The following ACOXL variants were observed in gnomAD, a reference collection of about 807,000 sequenced individuals.
ACOXL encodes acyl-CoA oxidase like, also known as acyl-coenzyme A oxidase-like protein.
Under a neutral mutation model 71.9 loss-of-function variants are expected in ACOXL, and 70 were observed. The observed-to-expected ratio is 0.97, with a 90% CI of 0.80 to 1.19. The LOEUF (loss-of-function observed/expected upper bound fraction) is 1.19, where lower values mean the gene tolerates loss of function less well. ACOXL is among the 50% of genes most tolerant of loss of function. The pLI is 0.00. For synonymous variants in ACOXL, 253 were observed against 281.6 expected (o/e 0.90, Z 1.02); for missense variants, 703 against 736.3 (o/e 0.95, Z 0.52).
intron 12 of ACOXL, among the ~76,000 whole-genome samples, chr2:110,951,101 C>T (rs72944256): frequency 0.034 from 5,233 of 152,220 alleles, 266 homozygotes; most frequent in African/African-American, 0.11. Flanking sequence ...CCAACTCAGC[C>T]ACTTCTGGTT....
chr2:111,100,927 C>T lies in ACOXL; in HGVS notation c.1542+7961C>T, dbSNP rs2069110933. On this transcript the variant is annotated intron_variant, in intron 17 of 17. Transcript: ENST00000439055. Reference sequence around the variant, plus strand: ...TGTATCTGCTCAAGTCTAAAATGACCACTAGGGTTGGGTTTTAGTTTCAGT... The same window carrying T: ...TGTATCTGCTCAAGTCTAAAATGACTACTAGGGTTGGGTTTTAGTTTCAGT... 2.6e-5 allele frequency: 4 copies of T among 152,728 alleles called. No individual in the cohort carries two copies. In the South Asian group the frequency reaches 8.3e-4, roughly 32 times the overall value. The allele number at this position is 152,728 out of a possible 1,614,324, so 9.5% of individuals were successfully genotyped here.
chr2:110,849,749 A>AAAACAAAC (rs71383889), intron 10 of ACOXL, among the ~76,000 whole-genome samples: 2,870 of 151,096 alleles, frequency 0.019, 43 homozygotes, highest in Middle Eastern at 0.066. Context: ...CAGAGTGAGA[A>AAAACAAAC]AAACAAACAA....
intron 14 of ACOXL, among the ~76,000 whole-genome samples, chr2:111,014,095 A>G (rs983027760): frequency 6.6e-6 from 1 of 152,228 alleles, no homozygotes; most frequent in Non-Finnish European, 1.5e-5. Context: ...TGGAGAGTAT[A>G]TCTACAAAAG....
intron 10 of ACOXL, among the ~76,000 whole-genome samples, chr2:110,850,042 G>A (rs543780646): frequency 6.6e-6 from 1 of 152,232 alleles, no homozygotes; most frequent in South Asian, 2.1e-4. Flanking sequence ...TGGAGCAATT[G>A]GACATCCATA....
chr2:110,830,433 AT>A (rs113525721), intron 9 of ACOXL, among the ~76,000 whole-genome samples: 1 of 150,106 alleles, frequency 6.7e-6, no homozygotes, highest in East Asian at 2.0e-4. Context: ...AATCTATTGC[AT>A]TTTTTTTTAA....
intron 10 of ACOXL, among the ~76,000 whole-genome samples, chr2:110,871,285 A>G (rs1000876560): frequency 1.3e-5 from 2 of 152,104 alleles, no homozygotes; most frequent in Non-Finnish European, 2.9e-5. Flanking sequence ...CTGTTGTGAA[A>G]GAGGCACACT....
chr2:110,751,016 C>A (rs973548152), intron 1 of ACOXL, among the ~76,000 whole-genome samples: 1 of 150,938 alleles, frequency 6.6e-6, no homozygotes, highest in Non-Finnish European at 1.5e-5. Context: ...TTTAGACATG[C>A]GGCTGGGCGC....
At chr2:110,917,130 C>T (rs976541796) in intron 11 of ACOXL, among the ~76,000 whole-genome samples, 1 of 152,154 alleles carries the variant, frequency 6.6e-6, no homozygotes, top group Non-Finnish European at 1.5e-5. Context: ...GCCAATATCC[C>T]TGATGAACAT....
chr2:110,797,966 C>A (rs796178944), intron 5 of ACOXL, among the ~76,000 whole-genome samples: 1 of 152,186 alleles, frequency 6.6e-6, no homozygotes, highest in Non-Finnish European at 1.5e-5. Flanking sequence ...GCACACATGT[C>A]AGCCTGGCAT....
intron 12 of ACOXL, among the ~76,000 whole-genome samples, chr2:110,968,961 G>A (rs1332335403): frequency 6.6e-6 from 1 of 152,154 alleles, no homozygotes; most frequent in Non-Finnish European, 1.5e-5. Flanking sequence ...AATTAAAAAG[G>A]TACAGAATAT....
chr2:110,849,183 C>CCTGT (rs1692291739), intron 10 of ACOXL, among the ~76,000 whole-genome samples: 1 of 152,220 alleles, frequency 6.6e-6, no homozygotes, highest in Non-Finnish European at 1.5e-5. Flanking sequence ...CCTCAGGCAA[C>CCTGT]AGGTGGGAAA....
At chr2:110,770,065 A>C (rs1167217690) in intron 2 of ACOXL, among the ~76,000 whole-genome samples, 2 of 152,020 alleles carry the variant, frequency 1.3e-5, no homozygotes, top group Non-Finnish European at 2.9e-5. Flanking sequence ...CAAACAAACA[A>C]AAAACCCAAC....
chr2:110,957,379 C>G (rs1402606259), intron 12 of ACOXL, among the ~76,000 whole-genome samples: 1 of 152,168 alleles, frequency 6.6e-6, no homozygotes, highest in Non-Finnish European at 1.5e-5. Flanking sequence ...TATCTCTGGT[C>G]AGGAACAGAC....
chr2:111,038,104 T>C (rs1414550222), intron 15 of ACOXL, among the ~76,000 whole-genome samples: 1 of 152,144 alleles, frequency 6.6e-6, no homozygotes, highest in African/African-American at 2.4e-5. Context: ...TCAGGCCCTG[T>C]GCAAAATATT....
chr2:110,818,501 GTATATATATA>G lies in ACOXL; in HGVS notation c.753+13108_753+13117del, dbSNP rs1234651181. ...TATGTGTGTATATATATGTGTATGT[GTATATATATA>G]TGTGTATGTGTGTATATATATATGT... On this transcript the variant is annotated intron_variant, in intron 9 of 17. Coordinates refer to ENST00000439055, the MANE Select transcript of ACOXL (RefSeq NM_001142807.4). Among the ~76,000 whole-genome samples, 8 of 70,374 alleles carry G rather than the reference GTATATATATA, an allele frequency of 1.1e-4. No individual in the cohort carries two copies. The South Asian group carries it at 4.1e-3, about 36-fold the overall frequency. 46.2% of individuals were successfully genotyped at this position (70,374 alleles called of 152,430 possible).
intron 9 of ACOXL, among the ~76,000 whole-genome samples, chr2:110,840,375 G>C (rs1425972016): frequency 6.6e-6 from 1 of 152,108 alleles, no homozygotes; most frequent in Non-Finnish European, 1.5e-5. Flanking sequence ...CCTGTATATA[G>C]TGCTATTAGT....
rs745693368 is a variant in ACOXL at position 111,016,113 on chromosome 2, T to TG, written c.1282-15514_1282-15513insG. Reference sequence around the variant, plus strand: ...ACGCCTGGCTAATTTTTTTAATTTTTTTTTTTGAGTTAGGGTCTCACTGTA... The same window carrying TG: ...ACGCCTGGCTAATTTTTTTAATTTTTGTTTTTTGAGTTAGGGTCTCACTGTA... On this transcript the variant is annotated intron_variant, in intron 14 of 17. Coordinates refer to ENST00000439055, the MANE Select transcript of ACOXL (RefSeq NM_001142807.4). Among the ~76,000 whole-genome samples the TG allele has an allele frequency of 4.6e-4, 70 of 151,546 alleles. 1 individual carries two copies. The highest frequency in any genetic ancestry group is 8.1e-4 in the Non-Finnish European group (55 of 67,860).
rs534655703 is a variant in ACOXL, at chr2:110,808,021, C to CT, written c.753+2628dup. Among the ~76,000 whole-genome samples, 8 of 152,238 alleles carry CT rather than the reference C, an allele frequency of 5.3e-5. No individual in the cohort carries two copies. The South Asian group carries it at 1.7e-3, about 32-fold the overall frequency. On this transcript the variant is annotated intron_variant, in intron 9 of 17. Transcript: ENST00000439055. ...ATTCCTTGGAACTTTCAGGTTTTCTCTTAAAGCCTTGCCATATTGACCATC... is the reference window on the plus strand; with the variant it reads ...ATTCCTTGGAACTTTCAGGTTTTCTCTTTAAAGCCTTGCCATATTGACCATC...
chr2:110,874,309 T>G (rs1695629364), intron 10 of ACOXL, among the ~76,000 whole-genome samples: 1 of 152,120 alleles, frequency 6.6e-6, no homozygotes, highest in African/African-American at 2.4e-5. Context: ...AATTGTTTAG[T>G]TCTGTGGTTT....
Sources: allele counts gnomAD v4.1 joint callset (sites outside exome capture counted in the v4.1 genomes callset), GRCh38; gene constraint gnomAD v4.1.1; transcripts MANE v1.5; gene names NCBI Gene and HGNC (gene_info 2026-07-23, HGNC 2026-07-21).